PREX2: variants seen among roughly 807,000 people sequenced by gnomAD.
The protein encoded by PREX2 is phosphatidylinositol 3,4,5-trisphosphate-dependent Rac exchanger 2 protein.
In PREX2, 107 loss-of-function variants were observed where a neutral mutation model predicts 203.2. The observed-to-expected ratio is 0.53, with a 90% CI of 0.45 to 0.62. PREX2 has a LOEUF of 0.62. PREX2 is among the 20% of genes least tolerant of loss of function. PREX2 has a pLI of 0.00. For synonymous variants in PREX2, 672 were observed against 663.6 expected (o/e 1.01, Z -0.19); for missense variants, 1,777 against 1,955.9 (o/e 0.91, Z 1.72).
At chr8:68,087,522 G>C (rs756675426) in intron 18 of PREX2, among the ~76,000 whole-genome samples, 2 of 152,170 alleles carry the variant, frequency 1.3e-5, no homozygotes, top group African/African-American at 2.4e-5. Flanking sequence ...GCTTTACTGT[G>C]TAACGACTGT....
intron 11 of PREX2, among the ~76,000 whole-genome samples, chr8:68,066,798 T>A (rs567791996): frequency 6.6e-6 from 1 of 152,240 alleles, no homozygotes; most frequent in African/African-American, 2.4e-5. Context: ...CCAAAAATTA[T>A]TGCCAAGACA....
At chr8:68,190,819 A>T (rs1324488778) in intron 35 of PREX2, among the ~76,000 whole-genome samples, 1 of 151,996 alleles carries the variant, frequency 6.6e-6, no homozygotes, top group African/African-American at 2.4e-5. Flanking sequence ...ACTAAAAAAA[A>T]TAGATACTAG....
In PREX2 at chr8:67,952,356, G is replaced by A. The variant is rs1278302035; in HGVS notation, c.-39G>A. 3 of 1,483,844 alleles carry A rather than the reference G, an allele frequency of 2.0e-6. No homozygotes were observed. The highest frequency in any genetic ancestry group is 2.7e-6 in the Non-Finnish European group (3 of 1,119,996). 91.9% of individuals were successfully genotyped at this position (1,483,844 alleles called of 1,614,324 possible). A position where few individuals can be genotyped will look rare whatever the true frequency, so the allele number is the denominator to read the frequency against. ...CAGCGGGCGCGCGGGTCAGCGCTCA[G>A]CACGGCGGGCAGCGCCGCGCTGCGC... On this transcript the variant is annotated 5_prime_UTR_variant, in exon 1 of 40. Transcript: ENST00000288368.
intron 5 of PREX2, among the ~76,000 whole-genome samples, chr8:68,028,540 A>T (rs1807796155): frequency 6.6e-6 from 1 of 152,042 alleles, no homozygotes; most frequent in Non-Finnish European, 1.5e-5. Context: ...CGTAAATTTT[A>T]TTTGAAAATA....
Position 68,153,511 on chromosome 8 carries a change from C to T in PREX2, c.4232-3811C>T, listed in dbSNP as rs139730532. ...AGAAGTAAATAAACTAAATATTCAA[C>T]CAAGTATGTTGATACTGCTTTTGAG... On this transcript the variant is annotated intron_variant, in intron 34 of 39. Coordinates refer to ENST00000288368, the MANE Select transcript of PREX2 (RefSeq NM_024870.4). 7.6e-4 allele frequency among the ~76,000 whole-genome samples: 116 copies of T among 152,166 alleles called. 1 individual carries two copies. Among genetic ancestry groups the T allele is most frequent in the African/African-American group, 2.6e-3 (108 of 41,522 alleles).
chr8:68,126,834 A>C (rs1810900921), intron 30 of PREX2, among the ~76,000 whole-genome samples: 1 of 151,924 alleles, frequency 6.6e-6, no homozygotes. Context: ...TTGGAGTTGG[A>C]AGAAGAGTAT....
chr8:68,053,502 A>G (rs1487456027), intron 9 of PREX2, among the ~76,000 whole-genome samples: 1 of 152,218 alleles, frequency 6.6e-6, no homozygotes, highest in Non-Finnish European at 1.5e-5. Context: ...TATAGTTAGC[A>G]AAATAATTAT....
Position 68,027,310 on chromosome 8 carries a change from C to G in PREX2, c.530C>G (p.Pro177Arg). 1 of 1,591,478 alleles carries G rather than the reference C, an allele frequency of 6.3e-7. No individual in the cohort carries two copies. The highest frequency in any genetic ancestry group is 8.6e-7 in the Non-Finnish European group (1 of 1,159,960). Reference protein sequence around the residue: ...VTPIQRICKYPLILKELLKRT... With the variant: ...VTPIQRICKYRLILKELLKRT... Reference sequence around the variant, plus strand: ...CCAATACAAAGAATATGCAAGTACCCTCTTATTTTGAAGGTATTTTATGTG... The same window carrying G: ...CCAATACAAAGAATATGCAAGTACCGTCTTATTTTGAAGGTATTTTATGTG... Residue 177 changes from proline to arginine, a missense_variant, in exon 5 of 40, where the codon CCT becomes CGT. Physicochemically the swap from Pro to Arg is moderately radical, Grantham distance 103. Transcript: ENST00000288368.
chr8:67,952,243 G>A lies in PREX2; in HGVS notation c.-152G>A, dbSNP rs374450080. The A allele has an allele frequency of 3.4e-6, 2 of 588,186 alleles. No individual in the cohort carries two copies. Among genetic ancestry groups the A allele is most frequent in the Non-Finnish European group, 5.0e-6 (2 of 401,356 alleles). The allele number at this position is 588,186 out of a possible 1,614,324, so 36.4% of individuals were successfully genotyped here. A position where few individuals can be genotyped will look rare whatever the true frequency, so the allele number is the denominator to read the frequency against. ...CGATCCCCTCCTCTCCCTGCGCCCA[G>A]CCTCTCCCCAGCATGTAAAGTCTTC... On this transcript the variant is annotated 5_prime_UTR_variant, in exon 1 of 40. Coordinates refer to ENST00000288368, the MANE Select transcript of PREX2 (RefSeq NM_024870.4).
intron 37 of PREX2, among the ~76,000 whole-genome samples, chr8:68,194,022 T>C (rs1245893876): frequency 6.6e-6 from 1 of 152,252 alleles, no homozygotes; most frequent in Non-Finnish European, 1.5e-5. Context: ...TGCTCTCTAT[T>C]GCAAGCTTAT....
intron 32 of PREX2, among the ~76,000 whole-genome samples, chr8:68,136,909 CT>C (rs959053848): frequency 1.8e-3 from 256 of 144,778 alleles, no homozygotes; most frequent in Middle Eastern, 7.2e-3. Flanking sequence ...GTTACAGCAA[CT>C]TTTTTTTTTT....
intron 35 of PREX2, among the ~76,000 whole-genome samples, chr8:68,169,290 G>C (rs1811824944): frequency 6.6e-6 from 1 of 152,018 alleles, no homozygotes; most frequent in Non-Finnish European, 1.5e-5. Context: ...ACCCATTCCT[G>C]GGTGGGCTTG....
At position 68,093,500 on chromosome 8, in the gene PREX2, TA is replaced by T. The variant is rs1809957163; in HGVS notation, c.2251-103del. The T allele has an allele frequency of 5.8e-6, 3 of 518,880 alleles. No homozygotes were observed. The Admixed American group carries it at 8.7e-5, about 15-fold the overall frequency. The allele number at this position is 518,880 out of a possible 1,614,324, so 32.1% of individuals were successfully genotyped here. ...ATTGTATCTCTCTTTCAAATTTTAC[TA>T]ATTTTAAAGAATCTAGAGGAATAAA... is the stretch of plus-strand genomic sequence containing the variant. On this transcript the variant is annotated intron_variant, in intron 20 of 39. Transcript: ENST00000288368.
chr8:68,129,607 A>T lies in PREX2; in HGVS notation c.3766+2188A>T, dbSNP rs16934195. ...TTCCCTGCAATCTCTGTGCTAGAAT[A>T]ATTTCTGAGATTGCTTTTGTGTGTC... On this transcript the variant is annotated intron_variant, in intron 31 of 39. Transcript: ENST00000288368. Among the ~76,000 whole-genome samples the T allele has an allele frequency of 4.6e-3, 697 of 152,102 alleles. 8 individuals carry two copies. Among genetic ancestry groups the T allele is most frequent in the African/African-American group, 0.016 (672 of 41,510 alleles).
At chr8:68,077,490 G>A (rs960534442) in intron 15 of PREX2, 21 bp downstream of exon 15, 2 of 1,541,044 alleles carry the variant, frequency 1.3e-6, no homozygotes, top group Non-Finnish European at 9.0e-7. Context: ...TTTACCCTGG[G>A]AGCTTACAGA....
chr8:68,057,386 G>A (rs2129611245), intron 10 of PREX2, among the ~76,000 whole-genome samples: 1 of 152,228 alleles, frequency 6.6e-6, no homozygotes, highest in African/African-American at 2.4e-5. Context: ...CCAGTCTCAG[G>A]GAAGTTCTTT....
chr8:68,197,419 G>T (rs1812419141), intron 37 of PREX2, among the ~76,000 whole-genome samples: 1 of 152,040 alleles, frequency 6.6e-6, no homozygotes, highest in Non-Finnish European at 1.5e-5. Flanking sequence ...TGCAAAAGGT[G>T]CCTGCTTCTC....
intron 39 of PREX2, among the ~76,000 whole-genome samples, chr8:68,228,714 C>T (rs1202162006): frequency 2.0e-5 from 3 of 151,622 alleles, no homozygotes; most frequent in Non-Finnish European, 2.9e-5. Context: ...TGCAGTGAGC[C>T]GAGACTGCGC....
In PREX2 at chr8:68,184,530, G is replaced by A. The variant is rs116877168; in HGVS notation, c.4347-7192G>A. Among the ~76,000 whole-genome samples the A allele has an allele frequency of 7.4e-4, 112 of 152,284 alleles. 4 individuals carry two copies. In the East Asian group the frequency reaches 0.021, roughly 29 times the overall value. ...CGTTTAGAATATTTTGGGATAGGAA[G>A]CAATATCAGGAGAAGTATATATCTG... On this transcript the variant is annotated intron_variant, in intron 35 of 39. Transcript: ENST00000288368.
Sources: allele counts gnomAD v4.1 joint callset (sites outside exome capture counted in the v4.1 genomes callset), GRCh38; gene constraint gnomAD v4.1.1; transcripts MANE v1.5; gene names NCBI Gene and HGNC (gene_info 2026-07-23, HGNC 2026-07-21).